ZNF804B: variants seen among roughly 807,000 people sequenced by gnomAD.
ZNF804B encodes zinc finger 804B.
Under a neutral mutation model 101.4 loss-of-function variants are expected in ZNF804B, and 80 were observed. That is an observed-to-expected ratio of 0.79 (90% CI 0.66 to 0.95). The LOEUF (loss-of-function observed/expected upper bound fraction) is 0.95, where lower values mean the gene tolerates loss of function less well. Ranked by LOEUF, ZNF804B falls within the 40% of genes least tolerant of loss-of-function variation. The pLI, the probability that ZNF804B is intolerant of heterozygous loss-of-function variation, is 0.00. For synonymous variants in ZNF804B, 622 were observed against 558.8 expected (o/e 1.11, Z -1.59); for missense variants, 1,673 against 1,561.9 (o/e 1.07, Z -1.20).
At chr7:88,980,406 T>C (rs1413141905) in intron 1 of ZNF804B, among the ~76,000 whole-genome samples, 1 of 152,036 alleles carries the variant, frequency 6.6e-6, no homozygotes, top group Non-Finnish European at 1.5e-5. Flanking sequence ...ATATTCATCG[T>C]AGTCTTCACA....
At chr7:89,030,337 T>C (rs1202839996) in intron 1 of ZNF804B, among the ~76,000 whole-genome samples, 1 of 152,196 alleles carries the variant, frequency 6.6e-6, no homozygotes, top group Non-Finnish European at 1.5e-5. Flanking sequence ...ATAAACGTCC[T>C]TGGATTCATG....
At chr7:89,031,663 T>G (rs1788837442) in intron 1 of ZNF804B, among the ~76,000 whole-genome samples, 1 of 148,734 alleles carries the variant, frequency 6.7e-6, no homozygotes, top group African/African-American at 2.5e-5. Flanking sequence ...TGGTTTTTGT[T>G]TTTTTTTTTT....
chr7:88,818,131 A>G (rs773042630), intron 1 of ZNF804B, among the ~76,000 whole-genome samples: 23 of 152,174 alleles, frequency 1.5e-4, no homozygotes, highest in Non-Finnish European at 2.9e-4. Context: ...TGTCCCTGGA[A>G]CCTATTTTTA....
chr7:89,171,285 GCTGCTTCTTCTTCTTCTTCTTCTT>G (rs1482211180), intron 1 of ZNF804B, among the ~76,000 whole-genome samples: 2 of 64,696 alleles, frequency 3.1e-5, no homozygotes, highest in African/African-American at 1.0e-4. Context: ...TAATGCTGCT[GCTGCTTCTTCTTCTTCTTCTTCTT>G]CTTCTTCTTC....
At chr7:88,798,487 T>C (rs1301781824) in intron 1 of ZNF804B, among the ~76,000 whole-genome samples, 1 of 152,110 alleles carries the variant, frequency 6.6e-6, no homozygotes, top group African/African-American at 2.4e-5. Flanking sequence ...AACTAATACA[T>C]TCAGAAGCAA....
Position 89,334,279 on chromosome 7 carries a change from A to G in ZNF804B, c.1297A>G (p.Thr433Ala), listed in dbSNP as rs759737513. The G allele has an allele frequency of 6.2e-7, 1 of 1,613,696 alleles. No individual in the cohort carries two copies. Among genetic ancestry groups the G allele is most frequent in the East Asian group, 2.2e-5 (1 of 44,874 alleles). Reference protein sequence around the residue: ...NVQRLVKEACTHNVASKPLPF... With the variant: ...NVQRLVKEACAHNVASKPLPF... ...TCAAAGACTTGTAAAAGAAGCATGT[A>G]CCCATAATGTGGCATCTAAACCACT... The change falls in exon 4 of 4, where the codon ACC becomes GCC. Residue 433 changes from threonine to alanine, a missense_variant. By Grantham distance (58) the Thr-to-Ala change is moderately conservative. Transcript: ENST00000333190.
chr7:89,322,707 C>T (rs1468285926), intron 2 of ZNF804B, among the ~76,000 whole-genome samples: 2 of 152,028 alleles, frequency 1.3e-5, no homozygotes, highest in Non-Finnish European at 2.9e-5. Context: ...AAACACATTA[C>T]CAAAACTCAC....
At chr7:88,807,843 G>A (rs183690095) in intron 1 of ZNF804B, among the ~76,000 whole-genome samples, 9 of 152,250 alleles carry the variant, frequency 5.9e-5, no homozygotes, top group Non-Finnish European at 1.2e-4. Context: ...CTGCCCTCAG[G>A]AAAGTATAAA....
intron 1 of ZNF804B, among the ~76,000 whole-genome samples, chr7:88,935,993 C>A (rs907637129): frequency 4.0e-5 from 6 of 149,876 alleles, no homozygotes; most frequent in Non-Finnish European, 7.4e-5. Flanking sequence ...TTTCTCCCTC[C>A]CTTCCTCCAT....
intron 1 of ZNF804B, among the ~76,000 whole-genome samples, chr7:88,953,630 A>C (rs796125879): frequency 2.2e-4 from 33 of 151,824 alleles, no homozygotes; most frequent in African/African-American, 7.9e-4. Flanking sequence ...TACTGAATGA[A>C]TGTTGGATAA....
chr7:89,278,546 T>C (rs912989921), intron 2 of ZNF804B, among the ~76,000 whole-genome samples: 1 of 152,034 alleles, frequency 6.6e-6, no homozygotes, highest in African/African-American at 2.4e-5. Context: ...AAGGAAGGGA[T>C]CCAGTTTCAG....
At chr7:88,868,191 G>A (rs192269926) in intron 1 of ZNF804B, among the ~76,000 whole-genome samples, 54 of 151,978 alleles carry the variant, frequency 3.6e-4, no homozygotes, top group Middle Eastern at 6.8e-3. Flanking sequence ...TTTGGTAAAT[G>A]ACTTCCCTTT....
intron 1 of ZNF804B, among the ~76,000 whole-genome samples, chr7:88,846,370 G>A (rs1791373893): frequency 6.6e-6 from 1 of 152,142 alleles, no homozygotes; most frequent in Non-Finnish European, 1.5e-5. Context: ...CAGATAATCT[G>A]TAGCTTTCTG....
chr7:88,902,171 C>T (rs1326603207), intron 1 of ZNF804B, among the ~76,000 whole-genome samples: 1 of 151,976 alleles, frequency 6.6e-6, no homozygotes, highest in African/African-American at 2.4e-5. Context: ...ATACCTCATA[C>T]ATTGTATATA....
rs112523296 is a variant in ZNF804B, at chr7:88,909,276, A to G, written c.108+149192A>G. Among the ~76,000 whole-genome samples, 841 of 151,938 alleles carry G rather than the reference A, an allele frequency of 5.5e-3. 7 individuals carry two copies. Among genetic ancestry groups the G allele is most frequent in the African/African-American group, 0.018 (763 of 41,536 alleles). On this transcript the variant is annotated intron_variant, in intron 1 of 3. Coordinates refer to ENST00000333190, the MANE Select transcript of ZNF804B (RefSeq NM_181646.5). Reference sequence around the variant, plus strand: ...TGAAAAACTGTTTTTCCTCATCTGCATGAGAAGATTAACAAAGGTGAAGAA... The same window carrying G: ...TGAAAAACTGTTTTTCCTCATCTGCGTGAGAAGATTAACAAAGGTGAAGAA...
intron 1 of ZNF804B, among the ~76,000 whole-genome samples, chr7:89,163,494 T>C (rs1000100517): frequency 2.6e-5 from 4 of 152,140 alleles, no homozygotes; most frequent in African/African-American, 9.7e-5. Context: ...CCAAATGCAA[T>C]GGCTTATTAT....
chr7:88,873,805 C>G (rs140604916), intron 1 of ZNF804B, among the ~76,000 whole-genome samples: 4,152 of 152,192 alleles, frequency 0.027, 139 homozygotes, highest in East Asian at 0.17. Flanking sequence ...TTTCTGAGGG[C>G]TCTGTTCTGT....
chr7:88,841,095 A>C (rs956643192), intron 1 of ZNF804B, among the ~76,000 whole-genome samples: 2 of 152,220 alleles, frequency 1.3e-5, no homozygotes, highest in Non-Finnish European at 2.9e-5. Context: ...GATTGTTAAC[A>C]TTCCTTGTAT....
chr7:89,001,459 A>T (rs974763541), intron 1 of ZNF804B, among the ~76,000 whole-genome samples: 1 of 151,876 alleles, frequency 6.6e-6, no homozygotes, highest in Non-Finnish European at 1.5e-5. Context: ...CAAGTTTCAC[A>T]ATCATGCTAT....
Sources: allele counts gnomAD v4.1 joint callset (sites outside exome capture counted in the v4.1 genomes callset), GRCh38; gene constraint gnomAD v4.1.1; transcripts MANE v1.5; gene names NCBI Gene and HGNC (gene_info 2026-07-23, HGNC 2026-07-21).